GPATCH2L: variants seen among roughly 807,000 people sequenced by gnomAD.
GPATCH2L encodes the protein G-patch domain containing 2 like, also known as G patch domain-containing protein 2-like.
Under a neutral mutation model 57.4 loss-of-function variants are expected in GPATCH2L, and 31 were observed. That is an observed-to-expected ratio of 0.54 (90% confidence interval 0.41 to 0.73). GPATCH2L has a LOEUF of 0.73. GPATCH2L is among the 30% of genes least tolerant of loss of function. The probability of loss-of-function intolerance (pLI) is 0.00; values close to 1 mark genes in which losing one functional copy is unlikely to be tolerated. For missense variants in GPATCH2L, 481 were observed against 599.9 expected (o/e 0.80, Z 2.07); for synonymous variants, 199 against 210.7 (o/e 0.94, Z 0.48).
chr14:76,195,486 A>G (rs774137122), intron 8 of GPATCH2L, among the ~76,000 whole-genome samples: 22 of 152,226 alleles, frequency 1.4e-4, no homozygotes, highest in Admixed American at 2.6e-4. Context: ...AATTCTATGC[A>G]AATATCTGTG....
rs1322850299 is a variant in GPATCH2L, at chr14:76,204,414, T to G, written c.*2563T>G. 1 of 152,318 alleles carries G rather than the reference T, an allele frequency of 6.6e-6. No individual in the cohort carries two copies. The highest frequency in any genetic ancestry group is 2.4e-5 in the African/African-American group (1 of 41,574). The allele number at this position is 152,318 out of a possible 1,614,324, so 9.4% of individuals were successfully genotyped here. A position where few individuals can be genotyped will look rare whatever the true frequency, so the allele number is the denominator to read the frequency against. On this transcript the variant is annotated 3_prime_UTR_variant, in exon 10 of 10. Transcript: ENST00000261530. ...CTTTCCAACACAGGGTTGTAAATTG[T>G]GCTCCTCATTTTAAGGTGCTGTACG...
chr14:76,180,650 G>T, intron 7 of GPATCH2L, 114 bp from the exon 8 acceptor site: 1 of 732,308 alleles, frequency 1.4e-6, no homozygotes. Context: ...GCCTGTGTTT[G>T]GTATAACAAG....
In GPATCH2L at chr14:76,176,666, T is replaced by C. The variant is rs1487360986; in HGVS notation, c.1028T>C (p.Ile343Thr). The change falls in exon 6 of 10, where the codon ATC becomes ACC. Residue 343 changes from isoleucine (I) to threonine (T), a missense_variant. Physicochemically the swap from Ile to Thr is moderately conservative, Grantham distance 89 (BLOSUM62 -1). Around this residue, in one of 3 missense-constraint regions of GPATCH2L, gnomAD observed 248 missense variants for 270.5 expected, o/e 0.92. Transcript: ENST00000261530. ...TTGGGGACTGAGAGGATAAGCCATA[T>C]CATTAGTGACCCTCGGCAGAAAGAG... ...NTLGTERISH[I>T]ISDPRQKEKN... 1 of 1,610,702 alleles carries C rather than the reference T, an allele frequency of 6.2e-7. No homozygotes were observed. The highest frequency in any genetic ancestry group is 1.1e-5 in the South Asian group (1 of 90,996).
At chr14:76,163,153 C>G (rs2038675541) in intron 2 of GPATCH2L, among the ~76,000 whole-genome samples, 2 of 152,174 alleles carry the variant, frequency 1.3e-5, no homozygotes, top group African/African-American at 2.4e-5. Context: ...ACTACCCTGG[C>G]TCTGATGCTT....
In GPATCH2L at chr14:76,204,540, G is replaced by A. The variant is rs1191224411; in HGVS notation, c.*2689G>A. On this transcript the variant is annotated 3_prime_UTR_variant, in exon 10 of 10. Transcript: ENST00000261530. Reference sequence around the variant, plus strand: ...AAATGAGTGTATTTTGAATCTTAAAGTTTCTTTATATGCGGCACAGTGTAT... The same window carrying A: ...AAATGAGTGTATTTTGAATCTTAAAATTTCTTTATATGCGGCACAGTGTAT... 8 of 152,142 alleles carry A rather than the reference G, an allele frequency of 5.3e-5. No homozygotes were observed. Among genetic ancestry groups the A allele is most frequent in the Admixed American group, 5.2e-4 (8 of 15,268 alleles). 9.4% of individuals were successfully genotyped at this position (152,142 alleles called of 1,614,324 possible). A position where few individuals can be genotyped will look rare whatever the true frequency, so the allele number is the denominator to read the frequency against.
intron 2 of GPATCH2L, among the ~76,000 whole-genome samples, chr14:76,231,996 CCTCACTGCAGG>C (rs1439241883): frequency 1.5e-4 from 22 of 148,180 alleles, no homozygotes; most frequent in East Asian, 6.0e-4. Context: ...CTCACTGCAG[CCTCACTGCAGG>C]CTCAAGCAAT....
intron 2 of GPATCH2L, chr14:76,230,440 A>G (rs2040555775): frequency 6.6e-6 from 1 of 152,006 alleles, no homozygotes; most frequent in Non-Finnish European, 1.5e-5. Context: ...CTTGGGCCTC[A>G]GCTTCCTCAA....
At chr14:76,197,754 C>T (rs1394196902) in intron 9 of GPATCH2L, among the ~76,000 whole-genome samples, 2 of 152,174 alleles carry the variant, frequency 1.3e-5, no homozygotes, top group African/African-American at 2.4e-5. Context: ...AATCACGCTA[C>T]GGCATACATC....
At position 76,228,348 on chromosome 14, in the gene GPATCH2L, T is replaced by C. The variant is rs1177580388; in HGVS notation, c.66-1460T>C. 3.3e-5 allele frequency among the ~76,000 whole-genome samples: 5 copies of C among 152,164 alleles called. No individual in the cohort carries two copies. The East Asian group carries it at 5.8e-4, about 18-fold the overall frequency. On this transcript the variant is annotated intron_variant and NMD_transcript_variant, in intron 1 of 3. Coordinates refer to the GPATCH2L transcript ENST00000556372. The stretch of plus-strand genomic sequence containing the variant: ...ACTTGGTGTTTGATGTGTGTGTGTG[T>C]GCGTGCGCGCGCGTGTGTGTGTACA...
In GPATCH2L at chr14:76,157,950, TG is replaced by T. The variant is rs1317992624; in HGVS notation, c.662+2926del. On this transcript the variant is annotated intron_variant, in intron 2 of 9. Transcript: ENST00000261530. Reference sequence around the variant, plus strand: ...ATTTTAATATTTTTCTGTGTATGTGTGTTTGTGAGTATTCTAAAGCAGAACA... The same window carrying T: ...ATTTTAATATTTTTCTGTGTATGTGTTTTGTGAGTATTCTAAAGCAGAACA... Among the ~76,000 whole-genome samples, 4 of 152,160 alleles carry T rather than the reference TG, an allele frequency of 2.6e-5. No homozygotes were observed. The East Asian group carries it at 7.7e-4, about 29-fold the overall frequency.
chr14:76,154,538 T>C lies in GPATCH2L; in HGVS notation c.175T>C (p.Cys59Arg), dbSNP rs2038205617. 4 of 1,614,090 alleles carry C rather than the reference T, an allele frequency of 2.5e-6. No homozygotes were observed. In the South Asian group the frequency reaches 3.3e-5, roughly 13 times the overall value. ...CTTCACTCACCTGGCAGAGCATACC[T>C]GCTGCTACAGCGAGGCCTCTGAGTC... The part of the protein sequence containing the change: ...SDFTHLAEHT[C>R]CYSEASESSL... Residue 59 changes from cysteine (C) to arginine (R), a missense_variant, in exon 2 of 10, where the codon TGC becomes CGC. Cys to Arg is a radical substitution (Grantham distance 180). Transcript: ENST00000261530. The surrounding 1 kb of genome is among the most constrained non-coding windows in gnomAD (Gnocchi z 4.4).
chr14:76,154,455 GC>G lies in GPATCH2L; in HGVS notation c.97del (p.Arg33AspfsTer50). The part of the protein sequence containing the change: ...LGELWEEMAL[S>X]PRQQRRQLRK... Reference sequence around the variant, plus strand: ...GAACTGTGGGAGGAGATGGCGCTGAGCCCCCGACAGCAGAGGCGGCAGCTTC... The same window carrying G: ...GAACTGTGGGAGGAGATGGCGCTGAGCCCCGACAGCAGAGGCGGCAGCTTC... On this transcript the variant is annotated frameshift_variant, in exon 2 of 10. Coordinates refer to ENST00000261530, the MANE Select transcript of GPATCH2L (RefSeq NM_017926.4). LOFTEE classifies it high-confidence loss of function. This position sits in a 1 kb window ranked among gnomAD's most constrained non-coding sequence, Gnocchi z 4.4. The G allele has an allele frequency of 6.2e-7, 1 of 1,614,158 alleles. No individual in the cohort carries two copies.
At chr14:76,168,370 G>A (rs1278352451) in intron 3 of GPATCH2L, among the ~76,000 whole-genome samples, 29 of 152,232 alleles carry the variant, frequency 1.9e-4, no homozygotes, top group Non-Finnish European at 2.5e-4. Context: ...GGATATATTA[G>A]TCAAGTATTT....
chr14:76,215,342 A>G (rs914134864), downstream of GPATCH2L, among the ~76,000 whole-genome samples: 3 of 152,044 alleles, frequency 2.0e-5, no homozygotes, highest in African/African-American at 7.2e-5. Flanking sequence ...TTCAACCATT[A>G]TGGAAGTCAG....
chr14:76,182,043 C>T (rs1239908232), intron 8 of GPATCH2L, among the ~76,000 whole-genome samples: 3 of 152,128 alleles, frequency 2.0e-5, no homozygotes, highest in Non-Finnish European at 2.9e-5. Flanking sequence ...AAAAGAGAGA[C>T]CATCACAAAT....
At chr14:76,182,224 G>T (rs1224585253) in intron 8 of GPATCH2L, among the ~76,000 whole-genome samples, 1 of 152,010 alleles carries the variant, frequency 6.6e-6, no homozygotes, top group Non-Finnish European at 1.5e-5. Context: ...AGGTGTGCTG[G>T]CGGGTGCCTG....
chr14:76,228,196 G>A (rs2040544324), intron 1 of GPATCH2L, among the ~76,000 whole-genome samples: 1 of 152,152 alleles, frequency 6.6e-6, no homozygotes, highest in Admixed American at 6.5e-5. Context: ...AGATAATAAA[G>A]TGGTATTGTT....
intron 9 of GPATCH2L, among the ~76,000 whole-genome samples, chr14:76,200,641 ATT>A (rs1435791223): frequency 6.6e-6 from 1 of 152,204 alleles, no homozygotes; most frequent in African/African-American, 2.4e-5. Flanking sequence ...ACAATAAGAA[ATT>A]CATGTTTGAA....
chr14:76,227,907 C>T (rs1158867379), intron 1 of GPATCH2L, among the ~76,000 whole-genome samples: 3 of 152,202 alleles, frequency 2.0e-5, no homozygotes, highest in African/African-American at 7.2e-5. Context: ...CTCTCCCAGG[C>T]AGAGGGCTCA....
Sources: allele counts gnomAD v4.1 joint callset (sites outside exome capture counted in the v4.1 genomes callset), GRCh38; gene constraint gnomAD v4.1.1; regional missense constraint gnomAD v4.1.1; non-coding constraint Gnocchi (gnomAD v3.1); transcripts MANE v1.5; gene names NCBI Gene and HGNC (gene_info 2026-07-23, HGNC 2026-07-21).